DOCK3: variants seen among roughly 807,000 people sequenced by gnomAD.
The protein encoded by DOCK3 is dedicator of cytokinesis protein 3.
Under a neutral mutation model 265.6 loss-of-function variants are expected in DOCK3, and 60 were observed. That is an observed-to-expected ratio of 0.23 (90% CI 0.18 to 0.28). DOCK3 has a LOEUF of 0.28. DOCK3 is among the 10% of genes least tolerant of loss of function. DOCK3 has a pLI of 1.00. For missense variants in DOCK3, 1,981 were observed against 2,594.3 expected, an observed-to-expected ratio of 0.76 and a Z score of 5.14; for synonymous variants, 881 against 938.0, an observed-to-expected ratio of 0.94 and a Z score of 1.11.
chr3:51,197,811 G>C (rs747508235), intron 12 of DOCK3, among the ~76,000 whole-genome samples: 1 of 152,142 alleles, frequency 6.6e-6, no homozygotes, highest in Non-Finnish European at 1.5e-5. Flanking sequence ...CTGGGCCAGC[G>C]GGTGGGAATG....
At chr3:51,133,978 T>C (rs1339392411) in intron 9 of DOCK3, among the ~76,000 whole-genome samples, 2 of 152,228 alleles carry the variant, frequency 1.3e-5, no homozygotes, top group Non-Finnish European at 1.5e-5. Flanking sequence ...CTCCTCTTTG[T>C]GTTCAGGTGT....
chr3:51,309,744 A>G (rs1469317162), intron 27 of DOCK3, among the ~76,000 whole-genome samples: 2 of 152,346 alleles, frequency 1.3e-5, no homozygotes, highest in South Asian at 2.1e-4. Flanking sequence ...GTTAACCAGT[A>G]TTAGCCACCC....
intron 9 of DOCK3, among the ~76,000 whole-genome samples, chr3:51,138,530 G>A (rs1304827932): frequency 6.6e-6 from 1 of 152,124 alleles, no homozygotes; most frequent in African/African-American, 2.4e-5. Context: ...TCATTATTGA[G>A]GAGAAAAAGA....
chr3:50,882,952 T>G (rs1331486628), intron 3 of DOCK3, among the ~76,000 whole-genome samples: 1 of 151,616 alleles, frequency 6.6e-6, no homozygotes, highest in Non-Finnish European at 1.5e-5. Flanking sequence ...AAAGGATGAG[T>G]TCATGTCCTT....
At chr3:51,072,839 G>A (rs1471701906) in intron 6 of DOCK3, among the ~76,000 whole-genome samples, 1 of 151,808 alleles carries the variant, frequency 6.6e-6, no homozygotes, top group Admixed American at 6.6e-5. Flanking sequence ...TGAGTAGCTG[G>A]GACTGCAGTC....
At chr3:51,320,997 C>T (rs1282450779) in intron 32 of DOCK3, among the ~76,000 whole-genome samples, 1 of 152,224 alleles carries the variant, frequency 6.6e-6, no homozygotes, top group Admixed American at 6.5e-5. Context: ...ACTGCCTCCT[C>T]AAGTGGGTCC....
chr3:50,805,822 C>T (rs1287778066), intron 2 of DOCK3, among the ~76,000 whole-genome samples: 1 of 152,126 alleles, frequency 6.6e-6, no homozygotes, highest in East Asian at 1.9e-4. Context: ...TACTGGGTTT[C>T]TCTGGCTTAT....
At chr3:51,380,047 G>A in intron 51 of DOCK3, 78 bp from the exon 52 acceptor site, 7 of 1,409,124 alleles carry the variant, frequency 5.0e-6, no homozygotes, top group Non-Finnish European at 6.9e-6. Flanking sequence ...TGCCTGCCCA[G>A]TTGGCCCAGC....
chr3:50,790,037 C>A (rs2042385105), intron 2 of DOCK3, among the ~76,000 whole-genome samples: 1 of 152,160 alleles, frequency 6.6e-6, no homozygotes, highest in African/African-American at 2.4e-5. Flanking sequence ...GTGGCCTAGT[C>A]CTTTCATCAT....
chr3:51,121,388 C>T (rs73833985), intron 9 of DOCK3, among the ~76,000 whole-genome samples: 3,798 of 152,244 alleles, frequency 0.025, 184 homozygotes, highest in African/African-American at 0.087. Context: ...AATCACCCCG[C>T]TTCTGCATTG....
intron 2 of DOCK3, among the ~76,000 whole-genome samples, chr3:50,812,149 G>A (rs1235317764): frequency 6.6e-6 from 1 of 152,204 alleles, no homozygotes; most frequent in Non-Finnish European, 1.5e-5. Flanking sequence ...CTTGTGGAAA[G>A]GCATGAATGA....
Position 50,890,026 on chromosome 3 carries a change from G to T in DOCK3, c.163G>T (p.Gly55Trp). The T allele has an allele frequency of 7.1e-7, 1 of 1,409,214 alleles. No homozygotes were observed. Among genetic ancestry groups the T allele is most frequent in the East Asian group, 3.0e-5 (1 of 33,480 alleles). 87.3% of individuals were successfully genotyped at this position (1,409,214 alleles called of 1,614,324 possible). ...GVSTKKPNVK[G>W]IFPANYIHLK... ...ACAGGAAATATTTTCTCTTTTACAGGGGATCTTTCCTGCAAATTACATTCA... is the reference window on the plus strand; with the variant it reads ...ACAGGAAATATTTTCTCTTTTACAGTGGATCTTTCCTGCAAATTACATTCA... The change falls in exon 4 of 53, where the codon GGG becomes TGG. Residue 55 changes from glycine to tryptophan, a missense_variant and splice_region_variant. This residue lies in a region of DOCK3 where 456 missense variants were observed against 539.0 expected (regional missense o/e 0.85). Transcript: ENST00000266037.
chr3:50,876,422 GTATTT>G (rs2047704190), intron 3 of DOCK3, among the ~76,000 whole-genome samples: 1 of 152,050 alleles, frequency 6.6e-6, no homozygotes, highest in Admixed American at 6.6e-5. Context: ...AAAATATTTA[GTATTT>G]TATTCAGTAT....
chr3:51,063,830 A>C (rs901462379), intron 5 of DOCK3, among the ~76,000 whole-genome samples: 5 of 152,210 alleles, frequency 3.3e-5, no homozygotes, highest in Non-Finnish European at 7.3e-5. Flanking sequence ...TTTAACTCTT[A>C]CAAAGGTGAC....
chr3:51,330,707 A>G (rs922445627), intron 33 of DOCK3, among the ~76,000 whole-genome samples: 1 of 152,106 alleles, frequency 6.6e-6, no homozygotes, highest in African/African-American at 2.4e-5. Flanking sequence ...GTGGAATGAG[A>G]TGGTTGTACT....
intron 5 of DOCK3, among the ~76,000 whole-genome samples, chr3:51,029,792 A>G (rs968921170): frequency 2.6e-5 from 4 of 152,192 alleles, no homozygotes; most frequent in Non-Finnish European, 1.5e-5. Flanking sequence ...CAGTGGCTCA[A>G]GGGTGGAGAA....
At chr3:50,770,350 T>C (rs1441563763) in intron 1 of DOCK3, among the ~76,000 whole-genome samples, 2 of 151,858 alleles carry the variant, frequency 1.3e-5, no homozygotes, top group Non-Finnish European at 2.9e-5. Context: ...GTTACAATAG[T>C]TACACATAAA....
chr3:51,152,665 A>G (rs73087292), intron 10 of DOCK3, among the ~76,000 whole-genome samples: 15,774 of 152,200 alleles, frequency 0.1, 1,136 homozygotes, highest in South Asian at 0.29. Flanking sequence ...CTGGTGATCT[A>G]CAGATGGGGT....
Position 51,277,783 on chromosome 3 carries a change from C to A in DOCK3, c.2823+29C>A, listed in dbSNP as rs780370160. The A allele has an allele frequency of 6.3e-6, 10 of 1,597,990 alleles. No individual in the cohort carries two copies. In the East Asian group the frequency reaches 2.3e-4, roughly 36 times the overall value. The stretch of plus-strand genomic sequence containing the variant: ...AGTAACTAACATCCAGGTTTTCTTG[C>A]CTTCTTTTCTAACCCGGGGCTTCTC... On this transcript the variant is annotated intron_variant, in intron 26 of 52. Coordinates refer to ENST00000266037, the MANE Select transcript of DOCK3 (RefSeq NM_004947.5).
Sources: allele counts gnomAD v4.1 joint callset (sites outside exome capture counted in the v4.1 genomes callset), GRCh38; gene constraint gnomAD v4.1.1; regional missense constraint gnomAD v4.1.1; transcripts MANE v1.5; gene names NCBI Gene and HGNC (gene_info 2026-07-23, HGNC 2026-07-21).